The following CRB1 variants were observed in gnomAD, a reference collection of about 807,000 sequenced individuals.
CRB1 encodes the protein crumbs cell polarity complex component 1.
A neutral mutation model predicts 120.0 loss-of-function variants in CRB1; 83 were observed. The ratio of observed to expected loss-of-function variants is 0.69; its 90% CI spans 0.58 to 0.83. The LOEUF is 0.83. Ranked by LOEUF, CRB1 falls within the 40% of genes least tolerant of loss-of-function variation. The pLI is 0.00. For missense variants in CRB1, 1,699 were observed against 1,687.6 expected, an observed-to-expected ratio of 1.01 and a Z score of -0.12; for synonymous variants, 625 against 612.5, an observed-to-expected ratio of 1.02 and a Z score of -0.30.
At chr1:197,217,697 A>G in the CRB1 span, among the ~76,000 whole-genome samples, 1 of 152,140 alleles carries the variant, frequency 6.6e-6, no homozygotes, top group Non-Finnish European at 1.5e-5. Context: ...GCTATTGGGT[A>G]TGGGTTTTTT....
intron 5 of CRB1, among the ~76,000 whole-genome samples, chr1:197,417,536 C>T (rs1664068503): frequency 6.6e-6 from 1 of 151,990 alleles, no homozygotes; most frequent in South Asian, 2.1e-4. Flanking sequence ...GTCAGTAAAC[C>T]AATAGCAAAG....
chr1:197,438,912 T>C (rs1389326117), intron 10 of CRB1: 1 of 419,960 alleles, frequency 2.4e-6, no homozygotes, highest in Middle Eastern at 7.3e-4. Context: ...TTAAAAAATG[T>C]ATAATGTGCT....
At chr1:197,203,846 C>T in the CRB1 span, among the ~76,000 whole-genome samples, 2 of 152,088 alleles carry the variant, frequency 1.3e-5, no homozygotes, top group Non-Finnish European at 2.9e-5. Context: ...TATTTGGTTA[C>T]GTGAATAAGT....
intron 1 of CRB1, among the ~76,000 whole-genome samples, chr1:197,296,825 C>G (rs115453224): frequency 0.065 from 9,848 of 152,102 alleles, 381 homozygotes; most frequent in African/African-American, 0.085. Context: ...GAACCCCTTT[C>G]ACTTGGTCCT....
At chr1:197,440,095 A>C (rs1003965703) in intron 10 of CRB1, 2 of 152,156 alleles carry the variant, frequency 1.3e-5, no homozygotes. Context: ...GTTGTATTCC[A>C]ATTCCATGTA....
intron 5 of CRB1, among the ~76,000 whole-genome samples, chr1:197,403,634 T>C (rs1445797011): frequency 6.6e-6 from 1 of 152,192 alleles, no homozygotes; most frequent in Non-Finnish European, 1.5e-5. Flanking sequence ...ATGTTTTTTT[T>C]TTCTTGGACT....
intron 7 of CRB1, 55 bp downstream of exon 7, chr1:197,428,056 T>C: frequency 6.6e-7 from 1 of 1,506,626 alleles, no homozygotes; most frequent in Non-Finnish European, 9.1e-7. Context: ...TTTTACTTTA[T>C]TAAAAAGATA....
At chr1:197,442,622 G>T (rs1229873708) in intron 11 of CRB1, 5 of 1,130,002 alleles carry the variant, frequency 4.4e-6, no homozygotes, top group Non-Finnish European at 6.0e-6. Context: ...TATGAAAAAA[G>T]TGTTCTTAAT....
At chr1:197,322,782 T>G (rs10801602) in intron 1 of CRB1, among the ~76,000 whole-genome samples, 1 of 151,972 alleles carries the variant, frequency 6.6e-6, no homozygotes, top group Non-Finnish European at 1.5e-5. Flanking sequence ...GCAGTTCATA[T>G]GAACATTAAT....
In CRB1 at chr1:197,354,817, GCCCCCCCACCCCCCCCCC is replaced by G. The variant is rs1660356488; in HGVS notation, c.989-2011_989-1994del. On this transcript the variant is annotated intron_variant, in intron 4 of 11. Transcript: ENST00000367400. ...GCTTTTATTCCCTTATCTGCCCCCC[GCCCCCCCACCCCCCCCCC>G]CCGCCCACCCCCCCCCCCCCGCCCA... Among the ~76,000 whole-genome samples, 12 of 19,466 alleles carry G rather than the reference GCCCCCCCACCCCCCCCCC, an allele frequency of 6.2e-4. 2 individuals carry two copies. The East Asian group carries it at 0.017, about 27-fold the overall frequency. 12.8% of individuals were successfully genotyped at this position (19,466 alleles called of 152,430 possible).
chr1:197,287,758 A>G (rs910536059), intron 1 of CRB1, among the ~76,000 whole-genome samples: 7 of 151,934 alleles, frequency 4.6e-5, no homozygotes, highest in African/African-American at 1.4e-4. Context: ...TTTCCTCCTT[A>G]GCTACACAAA....
In CRB1 at chr1:197,310,678, A is replaced by G. The variant is rs185900555; in HGVS notation, c.71-17744A>G. Among the ~76,000 whole-genome samples, 123 of 152,334 alleles carry G rather than the reference A, an allele frequency of 8.1e-4. No homozygotes were observed. The East Asian group carries it at 0.018, about 22-fold the overall frequency. On this transcript the variant is annotated intron_variant, in intron 1 of 11. Transcript: ENST00000367400. The stretch of plus-strand genomic sequence containing the variant: ...ATATAGAAAATTCAGTGAATAAAAA[A>G]GAAGTTACATACTAATAAATATATT...
chr1:197,442,488 G>A, intron 11 of CRB1, 196 bp downstream of exon 11: 1 of 1,490,188 alleles, frequency 6.7e-7, no homozygotes, highest in South Asian at 1.3e-5. Context: ...ATTCATTTTA[G>A]ATCTCTGGGG....
intron 5 of CRB1, among the ~76,000 whole-genome samples, chr1:197,405,917 C>G (rs945579977): frequency 3.3e-5 from 5 of 151,444 alleles, no homozygotes; most frequent in African/African-American, 1.2e-4. Context: ...GGGGTCAGCC[C>G]CCGCCAGGCC....
At chr1:197,281,994 C>T (rs117057591) in intron 1 of CRB1, among the ~76,000 whole-genome samples, 31 of 149,606 alleles carry the variant, frequency 2.1e-4, no homozygotes, top group Middle Eastern at 3.4e-3. Context: ...ATAAAACTTG[C>T]GATATAAAAT....
At chr1:197,456,824 A>G (rs1666306512) in intron 11 of CRB1, among the ~76,000 whole-genome samples, 1 of 152,146 alleles carries the variant, frequency 6.6e-6, no homozygotes, top group Admixed American at 6.6e-5. Context: ...TAAGTCCATA[A>G]TCACATGGAC....
chr1:197,338,531 C>T (rs901766627), intron 2 of CRB1, among the ~76,000 whole-genome samples: 2 of 152,192 alleles, frequency 1.3e-5, no homozygotes, highest in Non-Finnish European at 2.9e-5. Flanking sequence ...TAGTTTCAGC[C>T]TCCATGATAT....
intron 4 of CRB1, among the ~76,000 whole-genome samples, chr1:197,349,824 G>T (rs192300389): frequency 1.8e-4 from 27 of 152,268 alleles, no homozygotes; most frequent in African/African-American, 6.3e-4. Context: ...AATTTGGCTG[G>T]GCGCGGTGGC....
chr1:197,386,020 C>T (rs1456902037), intron 5 of CRB1, among the ~76,000 whole-genome samples: 1 of 151,972 alleles, frequency 6.6e-6, no homozygotes. Flanking sequence ...GCAATTTGTA[C>T]AGGAATAAAT....
Sources: allele counts gnomAD v4.1 joint callset (sites outside exome capture counted in the v4.1 genomes callset), GRCh38; gene constraint gnomAD v4.1.1; transcripts MANE v1.5; gene names NCBI Gene and HGNC (gene_info 2026-07-23, HGNC 2026-07-21).